ZYG11A: variants seen among roughly 807,000 people sequenced by gnomAD.
The protein encoded by ZYG11A is zyg-11 family member A, cell cycle regulator.
Under a neutral mutation model 77.2 loss-of-function variants are expected in ZYG11A, and 62 were observed. The ratio of observed to expected loss-of-function variants is 0.80; its 90% confidence interval spans 0.65 to 0.99. The LOEUF (loss-of-function observed/expected upper bound fraction) is 0.99, where lower values mean the gene tolerates loss of function less well. ZYG11A is among the 50% of genes least tolerant of loss of function. The pLI is 0.00. For synonymous variants in ZYG11A, 315 were observed against 324.6 expected (o/e 0.97, Z 0.32); for missense variants, 828 against 896.8 (o/e 0.92, Z 0.98).
intron 8 of ZYG11A, among the ~76,000 whole-genome samples, chr1:52,873,829 C>T (rs2150011915): frequency 6.6e-6 from 1 of 151,952 alleles, no homozygotes; most frequent in East Asian, 1.9e-4. Flanking sequence ...ACTAAAACTA[C>T]AAAAACTAGC....
intron 13 of ZYG11A, among the ~76,000 whole-genome samples, chr1:52,889,085 T>C (rs527652974): frequency 6.6e-6 from 1 of 152,236 alleles, no homozygotes; most frequent in Non-Finnish European, 1.5e-5. Flanking sequence ...TCACAACAAC[T>C]AGAAGGGTAA....
In ZYG11A at chr1:52,857,528, A is replaced by G; in HGVS notation, c.787A>G (p.Ile263Val). 3 of 1,552,106 alleles carry G rather than the reference A, an allele frequency of 1.9e-6. No homozygotes were observed. Among genetic ancestry groups the G allele is most frequent in the Non-Finnish European group, 1.7e-6 (2 of 1,147,066 alleles). The part of the protein sequence containing the change: ...RELKCLLHLD[I>V]SDHRQLKSDL... ...ACTTAAATGTCTGCTTCACCTTGATATTTCTGATCACAGGCAACTCAAATC... is the reference window on the plus strand; with the variant it reads ...ACTTAAATGTCTGCTTCACCTTGATGTTTCTGATCACAGGCAACTCAAATC... Residue 263 changes from isoleucine (I) to valine (V), a missense_variant, in exon 3 of 14, where the codon ATT becomes GTT. Ile to Val is a conservative substitution (Grantham distance 29). Transcript: ENST00000371528.
chr1:52,886,058 G>A (rs1343095097), intron 12 of ZYG11A, among the ~76,000 whole-genome samples, 164 bp downstream of exon 12: 4 of 151,930 alleles, frequency 2.6e-5, no homozygotes, highest in Admixed American at 6.6e-5. Flanking sequence ...TCAGCCTCCC[G>A]AGTAGCTGGG....
At chr1:52,870,263 G>A (rs1226626445) in intron 8 of ZYG11A, among the ~76,000 whole-genome samples, 6 of 147,592 alleles carry the variant, frequency 4.1e-5, no homozygotes, top group African/African-American at 1.2e-4. Context: ...TTTCCAGACT[G>A]GGCAGCCAGG....
intron 10 of ZYG11A, among the ~76,000 whole-genome samples, chr1:52,878,949 CAAAAAAAAAAAAAAAA>C (rs914463472): frequency 3.7e-5 from 1 of 27,274 alleles, no homozygotes; most frequent in Non-Finnish European, 9.6e-5. Context: ...AAACTCTGCT[CAAAAAAAAAAAAAAAA>C]AAAAAAAAAA....
At chr1:52,853,647 A>C (rs1645755240) in intron 1 of ZYG11A, among the ~76,000 whole-genome samples, 1 of 152,200 alleles carries the variant, frequency 6.6e-6, no homozygotes, top group Admixed American at 6.6e-5. Context: ...GTGGTGGCTC[A>C]TGCCTGTAAT....
At position 52,878,923 on chromosome 1, in the gene ZYG11A, C is replaced by T. The variant is rs181106073; in HGVS notation, c.1749+954C>T. ...CACTGCACTCCAATTGCACTCCAGC[C>T]TGGGCAACAAGAACGAAACTCTGCT... On this transcript the variant is annotated intron_variant, in intron 10 of 13. Transcript: ENST00000371528. 1.5e-4 allele frequency among the ~76,000 whole-genome samples: 20 copies of T among 133,564 alleles called. No individual in the cohort carries two copies. In the East Asian group the frequency reaches 3.4e-3, roughly 23 times the overall value. The allele number at this position is 133,564 out of a possible 152,430, so 87.6% of individuals were successfully genotyped here.
chr1:52,844,564 T>C (rs1645526516), intron 1 of ZYG11A, among the ~76,000 whole-genome samples: 1 of 152,212 alleles, frequency 6.6e-6, no homozygotes, highest in Admixed American at 6.5e-5. Context: ...AATACTTTTT[T>C]CCCTATGAAA....
intron 4 of ZYG11A, among the ~76,000 whole-genome samples, chr1:52,861,404 T>C (rs1471823310): frequency 2.4e-4 from 36 of 152,248 alleles, no homozygotes; most frequent in Non-Finnish European, 4.4e-5. Context: ...AAAAACCTTG[T>C]CTTTATTTGT....
intron 8 of ZYG11A, among the ~76,000 whole-genome samples, chr1:52,875,074 G>GCAT (rs144533126): frequency 0.019 from 2,818 of 152,296 alleles, 57 homozygotes; most frequent in African/African-American, 0.063. Flanking sequence ...CTGAGAAGGA[G>GCAT]CATCCAAAGT....
chr1:52,879,160 G>A (rs956162832), intron 10 of ZYG11A, among the ~76,000 whole-genome samples: 4 of 152,146 alleles, frequency 2.6e-5, no homozygotes, highest in African/African-American at 9.7e-5. Flanking sequence ...AGCTAAAGGT[G>A]AAGATTTTTC....
At chr1:52,889,552 G>A (rs1016376138) in intron 13 of ZYG11A, among the ~76,000 whole-genome samples, 12 of 151,912 alleles carry the variant, frequency 7.9e-5, no homozygotes, top group African/African-American at 2.9e-4. Context: ...CAAAGTGCTA[G>A]GATTACAGGC....
chr1:52,844,457 C>T (rs951618921), intron 1 of ZYG11A, among the ~76,000 whole-genome samples: 3 of 152,162 alleles, frequency 2.0e-5, no homozygotes, highest in Non-Finnish European at 4.4e-5. Flanking sequence ...AGTACTCACA[C>T]CCATTTTCTC....
Position 52,857,138 on chromosome 1 carries a change from A to G in ZYG11A, c.397A>G (p.Thr133Ala). Residue 133 changes from threonine to alanine, a missense_variant, in exon 3 of 14, where the codon ACT becomes GCT. By Grantham distance (58) the Thr-to-Ala change is moderately conservative. Transcript: ENST00000371528. ...CRHKLIELNA[T>A]AVHADLPVPD... The stretch of plus-strand genomic sequence containing the variant: ...TCATAAGCTCATTGAACTGAATGCT[A>G]CTGCAGTGCACGCTGACCTCCCAGT... 2 of 1,551,934 alleles carry G rather than the reference A, an allele frequency of 1.3e-6. No individual in the cohort carries two copies. Among genetic ancestry groups the G allele is most frequent in the Non-Finnish European group, 1.7e-6 (2 of 1,147,060 alleles).
chr1:52,863,837 T>C (rs1645972798), intron 4 of ZYG11A, 144 bp from the exon 5 acceptor site: 2 of 728,526 alleles, frequency 2.7e-6, no homozygotes, highest in Admixed American at 3.3e-5. Context: ...TGTAATACTT[T>C]GATGTTCTAA....
intron 8 of ZYG11A, among the ~76,000 whole-genome samples, chr1:52,872,872 G>T (rs1646192360): frequency 8.3e-6 from 1 of 120,958 alleles, no homozygotes; most frequent in Admixed American, 9.3e-5. Flanking sequence ...GACAGAGTGA[G>T]ACTCTGTCTC....
intron 8 of ZYG11A, among the ~76,000 whole-genome samples, chr1:52,873,888 G>T (rs1346881196): frequency 6.6e-6 from 1 of 151,998 alleles, no homozygotes; most frequent in East Asian, 1.9e-4. Flanking sequence ...GGAGGCTGAG[G>T]CAGGAGAATC....
intron 8 of ZYG11A, among the ~76,000 whole-genome samples, chr1:52,871,187 T>C (rs515857): frequency 0.49 from 73,885 of 151,994 alleles, 19,191 homozygotes; most frequent in Non-Finnish European, 0.59. Flanking sequence ...GAAGCTGGTG[T>C]GTAGTGGCAA....
chr1:52,844,495 C>G (rs1645525489), intron 1 of ZYG11A, among the ~76,000 whole-genome samples: 1 of 152,028 alleles, frequency 6.6e-6, no homozygotes, highest in African/African-American at 2.4e-5. Context: ...ATCTCATTTT[C>G]TTTGTTAAGG....
Sources: allele counts gnomAD v4.1 joint callset (sites outside exome capture counted in the v4.1 genomes callset), GRCh38; gene constraint gnomAD v4.1.1; transcripts MANE v1.5; gene names NCBI Gene and HGNC (gene_info 2026-07-23, HGNC 2026-07-21).